Variants in FILIP1 observed in about 807,000 individuals in gnomAD.
The protein encoded by FILIP1 is filamin-A-interacting protein 1.
A neutral mutation model predicts 102.1 loss-of-function variants in FILIP1; 61 were observed. The ratio of observed to expected loss-of-function variants is 0.60; its 90% CI spans 0.49 to 0.74. The LOEUF (loss-of-function observed/expected upper bound fraction) is 0.74, where lower values mean the gene tolerates loss of function less well. FILIP1 is among the 30% of genes least tolerant of loss of function. The probability of loss-of-function intolerance (pLI) is 0.00; values close to 1 mark genes in which losing one functional copy is unlikely to be tolerated. For synonymous variants in FILIP1, 491 were observed against 526.9 expected, an observed-to-expected ratio of 0.93 and a Z score of 0.93; for missense variants, 1,314 against 1,441.2, an observed-to-expected ratio of 0.91 and a Z score of 1.43.
At chr6:75,389,375 T>C (rs1297751136) in intron 2 of FILIP1, among the ~76,000 whole-genome samples, 1 of 152,236 alleles carries the variant, frequency 6.6e-6, no homozygotes, top group Non-Finnish European at 1.5e-5. Context: ...ATCAGAATGA[T>C]GGTGGCCTCA....
At chr6:75,348,196 T>A (rs1381560067) in intron 4 of FILIP1, among the ~76,000 whole-genome samples, 1 of 152,112 alleles carries the variant, frequency 6.6e-6, no homozygotes, top group Non-Finnish European at 1.5e-5. Context: ...AAGCTTAAGA[T>A]TAAAATCACA....
rs147943742 is a variant in FILIP1, at chr6:75,388,948, C to T, written c.276+25749G>A. ...GAGAGAGGGCATCCTTGTCTTGTGC[C>T]GGTTTTCAAAGGGAATGCTTCCAGC... On this transcript the variant is annotated intron_variant, in intron 2 of 5. Coordinates refer to ENST00000237172, the MANE Select transcript of FILIP1 (RefSeq NM_015687.5). Among the ~76,000 whole-genome samples the T allele has an allele frequency of 8.4e-3, 1,280 of 152,142 alleles. 37 individuals carry two copies. In the East Asian group the frequency reaches 0.11, roughly 13 times the overall value.
rs757601616 is a variant in FILIP1, at chr6:75,313,185, T to A, written c.2647A>T (p.Thr883Ser). 8 of 1,614,126 alleles carry A rather than the reference T, an allele frequency of 5.0e-6. No homozygotes were observed. In the Admixed American group the frequency reaches 1.2e-4, roughly 24 times the overall value. The change falls in exon 5 of 6, where the codon ACT becomes TCT. Residue 883 changes from threonine to serine, a missense_variant. Thr to Ser is a moderately conservative substitution (Grantham distance 58, BLOSUM62 1). This residue lies in a region of FILIP1 where 816 missense variants were observed against 913.1 expected (regional missense o/e 0.89). Transcript: ENST00000237172. This position sits in a 1 kb window ranked among gnomAD's most constrained non-coding sequence, Gnocchi z 4.2. ...TTTGTTCGGGGCCCTTTCTCCTGAG[T>A]GATGGAGGGGCCGTTTTCCCTCTTT... ...MRKRENGPSI[T>S]QEKGPRTNSS...
intron 1 of FILIP1, among the ~76,000 whole-genome samples, chr6:75,419,384 T>C (rs973619069): frequency 6.6e-6 from 1 of 152,200 alleles, no homozygotes; most frequent in Non-Finnish European, 1.5e-5. Context: ...ATCCAACCCC[T>C]GTCTGTTCCT....
At chr6:75,374,112 AC>A (rs1298863942) in intron 2 of FILIP1, among the ~76,000 whole-genome samples, 2 of 152,200 alleles carry the variant, frequency 1.3e-5, no homozygotes, top group Non-Finnish European at 2.9e-5. Context: ...CATTTTTATT[AC>A]GTGGTTTTCT....
At chr6:75,362,441 T>C (rs1410063261) in intron 3 of FILIP1, among the ~76,000 whole-genome samples, 1 of 152,218 alleles carries the variant, frequency 6.6e-6, no homozygotes, top group Non-Finnish European at 1.5e-5. Flanking sequence ...TACTTCAAAT[T>C]TTTACACATA....
intron 2 of FILIP1, among the ~76,000 whole-genome samples, chr6:75,384,339 C>T (rs1191807365): frequency 1.3e-5 from 2 of 152,174 alleles, no homozygotes; most frequent in African/African-American, 4.8e-5. Context: ...CTGCTCCTTG[C>T]TTTATATGGA....
intron 4 of FILIP1, among the ~76,000 whole-genome samples, chr6:75,320,715 T>G (rs1225342473): frequency 6.6e-6 from 1 of 152,254 alleles, no homozygotes; most frequent in African/African-American, 2.4e-5. Flanking sequence ...GCCAGCAATT[T>G]TATATTAATA....
chr6:75,343,974 A>C (rs1024120487), intron 4 of FILIP1, among the ~76,000 whole-genome samples: 3 of 152,242 alleles, frequency 2.0e-5, no homozygotes, highest in Non-Finnish European at 4.4e-5. Flanking sequence ...CCACAGCCAG[A>C]TAGGCCCAAA....
chr6:75,351,161 G>A (rs2149599512), intron 4 of FILIP1, among the ~76,000 whole-genome samples: 1 of 152,206 alleles, frequency 6.6e-6, no homozygotes, highest in East Asian at 1.9e-4. Context: ...CTGCCTCCCA[G>A]GTTCAAGCAA....
At chr6:75,433,947 T>G (rs1777921271) in intron 1 of FILIP1, among the ~76,000 whole-genome samples, 1 of 152,230 alleles carries the variant, frequency 6.6e-6, no homozygotes, top group South Asian at 2.1e-4. Flanking sequence ...AAATAGGGAA[T>G]CCTTTCCCCA....
chr6:75,477,413 G>C (rs1779508796), intron 1 of FILIP1, among the ~76,000 whole-genome samples: 1 of 151,996 alleles, frequency 6.6e-6, no homozygotes. Flanking sequence ...CAAAATAAGA[G>C]AGTAAATTTC....
At chr6:75,485,610 C>G (rs1284553140) in intron 1 of FILIP1, among the ~76,000 whole-genome samples, 1 of 152,114 alleles carries the variant, frequency 6.6e-6, no homozygotes, top group Non-Finnish European at 1.5e-5. Flanking sequence ...TTATTAGAAT[C>G]GCTCTCCTTT....
rs745722891 is a variant in FILIP1, at chr6:75,313,261, A to T, written c.2571T>A (p.Pro857=). Reference sequence around the variant, plus strand: ...TCATAGTGAGCTCATTTGCTGCTGGAGGATACCTGTCTAGAACAGAAGATC... The same window carrying T: ...TCATAGTGAGCTCATTTGCTGCTGGTGGATACCTGTCTAGAACAGAAGATC... ...VERSSVLDRY[P]PAANELTMRK... is the part of the protein sequence containing the mutation. The change falls in exon 5 of 6, where the codon CCT becomes CCA. Residue 857 remains proline (P), a synonymous_variant. Transcript: ENST00000237172. The surrounding 1 kb of genome is among the most constrained non-coding windows in gnomAD (Gnocchi z 4.2). 2 of 1,614,024 alleles carry T rather than the reference A, an allele frequency of 1.2e-6. No homozygotes were observed. The highest frequency in any genetic ancestry group is 1.7e-6 in the Non-Finnish European group (2 of 1,180,030).
chr6:75,295,913 T>C (rs1261460299), exon 7 of FILIP1: 10 of 1,457,162 alleles, frequency 6.9e-6, no homozygotes, highest in Admixed American at 2.7e-5. Flanking sequence ...TACCATTTCA[T>C]CTGGAGTTCA....
rs188487257 is a variant in FILIP1 at position 75,402,759 on chromosome 6, A to T, written c.276+11938T>A. Among the ~76,000 whole-genome samples the T allele has an allele frequency of 2.0e-5, 3 of 152,310 alleles. No homozygotes were observed. The East Asian group carries it at 5.8e-4, about 29-fold the overall frequency. On this transcript the variant is annotated intron_variant, in intron 2 of 5. Transcript: ENST00000237172. ...TTGTTAAAAATGACAGAAAAGTAGA[A>T]TCATAGTATTGTAGTGGTAATATCA... is the stretch of plus-strand genomic sequence containing the variant.
At chr6:75,374,631 C>T (rs1329806574) in intron 2 of FILIP1, among the ~76,000 whole-genome samples, 1 of 152,196 alleles carries the variant, frequency 6.6e-6, no homozygotes, top group East Asian at 1.9e-4. Context: ...CTACCCACCT[C>T]GGCCTCCCAG....
intron 1 of FILIP1, among the ~76,000 whole-genome samples, chr6:75,435,652 G>A (rs909414665): frequency 1.5e-4 from 23 of 152,204 alleles, no homozygotes; most frequent in African/African-American, 5.1e-4. Context: ...AAGGGTGGGA[G>A]GGATGAATAA....
intron 1 of FILIP1, among the ~76,000 whole-genome samples, chr6:75,473,486 C>T (rs2808186): frequency 0.7 from 106,202 of 151,756 alleles, 38,070 homozygotes; most frequent in African/African-American, 0.86. Context: ...TAAAGAAACA[C>T]GAGACATCAG....
Sources: allele counts gnomAD v4.1 joint callset (sites outside exome capture counted in the v4.1 genomes callset), GRCh38; gene constraint gnomAD v4.1.1; regional missense constraint gnomAD v4.1.1; non-coding constraint Gnocchi (gnomAD v3.1); transcripts MANE v1.5; gene names NCBI Gene and HGNC (gene_info 2026-07-23, HGNC 2026-07-21).